Variants in DUSP13A observed in about 807,000 individuals in gnomAD.
DUSP13A encodes the protein dual specificity protein phosphatase 13A.
the DUSP13A span, chr10:75,108,039 A>G: frequency 6.2e-7 from 1 of 1,613,674 alleles, no homozygotes; most frequent in Non-Finnish European, 8.5e-7. Flanking sequence ...CGCAGAGGAG[A>G]AGTAGGCACT....
At chr10:75,106,070 G>A in the DUSP13A span, among the ~76,000 whole-genome samples, 1 of 151,196 alleles carries the variant, frequency 6.6e-6, no homozygotes, top group African/African-American at 2.4e-5. Flanking sequence ...TTGGGATAGG[G>A]TCCGAATTTC....
the DUSP13A span, among the ~76,000 whole-genome samples, chr10:75,108,755 T>C: frequency 6.6e-6 from 1 of 152,160 alleles, no homozygotes; most frequent in African/African-American, 2.4e-5. Flanking sequence ...TTGACAGTTG[T>C]CCTGGAAATG....
the DUSP13A span, chr10:75,109,009 G>GC: frequency 6.2e-7 from 1 of 1,600,436 alleles, no homozygotes; most frequent in South Asian, 1.1e-5. Context: ...TACCACTCAC[G>GC]CATCTCCTAT....
chr10:75,105,756 C>T, the DUSP13A span: 1 of 1,553,514 alleles, frequency 6.4e-7, no homozygotes, highest in South Asian at 1.2e-5. Flanking sequence ...ATCGGTGCTG[C>T]CTCACGGTGA....
the DUSP13A span, among the ~76,000 whole-genome samples, chr10:75,107,174 A>G: frequency 6.6e-6 from 1 of 152,250 alleles, no homozygotes. Context: ...TGTCTCTGCT[A>G]AAATACAAAA....
At chr10:75,105,688 CG>C in the DUSP13A span, 1 of 1,549,776 alleles carries the variant, frequency 6.5e-7, no homozygotes, top group Non-Finnish European at 8.7e-7. Flanking sequence ...GCCGGCACCC[CG>C]CAGTTGCTGG....
the DUSP13A span, chr10:75,105,852 G>A: frequency 6.5e-7 from 1 of 1,550,306 alleles, no homozygotes; most frequent in Non-Finnish European, 8.7e-7. Context: ...CCACCACACA[G>A]TGCACCAGGA....
At chr10:75,106,096 CTTTT>C in the DUSP13A span, among the ~76,000 whole-genome samples, 1 of 109,026 alleles carries the variant, frequency 9.2e-6, no homozygotes, top group East Asian at 5.6e-4. Flanking sequence ...TCTTTTCTTT[CTTTT>C]CTTTTTTTTT....
the DUSP13A span, among the ~76,000 whole-genome samples, chr10:75,106,468 A>T: frequency 6.6e-6 from 1 of 152,136 alleles, no homozygotes; most frequent in African/African-American, 2.4e-5. Flanking sequence ...TGGCTGAGAC[A>T]CGGCTTCCTC....
the DUSP13A span, among the ~76,000 whole-genome samples, chr10:75,106,152 G>A: frequency 2.7e-5 from 4 of 145,958 alleles, no homozygotes; most frequent in East Asian, 6.0e-4. Flanking sequence ...ATGTTGCCCA[G>A]GCTGGTCTTG....
chr10:75,108,951 A>T, the DUSP13A span: 1 of 1,543,396 alleles, frequency 6.5e-7, no homozygotes, highest in Non-Finnish European at 8.8e-7. Flanking sequence ...TGGTAAAGCG[A>T]CCAAGAACTG....
chr10:75,106,317 G>A, the DUSP13A span, among the ~76,000 whole-genome samples: 2,245 of 151,460 alleles, frequency 0.015, 63 homozygotes, highest in African/African-American at 0.05. Flanking sequence ...CCTTCAGCTC[G>A]AGAAACATGG....
chr10:75,107,102 G>A, the DUSP13A span, among the ~76,000 whole-genome samples: 4 of 152,302 alleles, frequency 2.6e-5, no homozygotes, highest in South Asian at 2.1e-4. Context: ...TTGGGAGGCC[G>A]AGGCAGACAG....
At chr10:75,108,288 A>C in the DUSP13A span, 2 of 1,510,550 alleles carry the variant, frequency 1.3e-6, no homozygotes, top group Non-Finnish European at 1.8e-6. Context: ...CCCCTGCTGC[A>C]GAGGGACCGA....
the DUSP13A span, chr10:75,105,686 C>A: frequency 6.5e-7 from 1 of 1,549,592 alleles, no homozygotes; most frequent in Admixed American, 2.0e-5. Flanking sequence ...TGGCCGGCAC[C>A]CCGCAGTTGC....
chr10:75,106,304 C>T, the DUSP13A span, among the ~76,000 whole-genome samples: 1 of 151,924 alleles, frequency 6.6e-6, no homozygotes. Context: ...TGTCCCTCCC[C>T]CACCTTCAGC....
chr10:75,106,399 T>C, the DUSP13A span, among the ~76,000 whole-genome samples: 1 of 152,146 alleles, frequency 6.6e-6, no homozygotes, highest in Non-Finnish European at 1.5e-5. Context: ...TCCAAATACC[T>C]GCAAATTGTT....
the DUSP13A span, among the ~76,000 whole-genome samples, chr10:75,107,664 C>T: frequency 6.6e-6 from 1 of 151,872 alleles, no homozygotes; most frequent in East Asian, 1.9e-4. Context: ...GCAACCTCCG[C>T]CCCCCATGTT....
chr10:75,108,148 C>A, the DUSP13A span: 1 of 1,612,990 alleles, frequency 6.2e-7, no homozygotes, highest in Non-Finnish European at 8.5e-7. Context: ...CCCTTGTGGG[C>A]GGCGTTCAGC....
Sources: gnomAD v4.1 joint callset for allele counts (sites outside exome capture counted in the v4.1 genomes callset) on GRCh38, gnomAD v4.1.1 for gene constraint, MANE v1.5 for transcripts, NCBI Gene and HGNC (gene_info 2026-07-23, HGNC 2026-07-21) for gene names.